Variants in KSR2 observed in about 807,000 individuals in gnomAD.
The protein encoded by KSR2 is kinase suppressor of ras 2.
In KSR2, 25 loss-of-function variants were observed where a neutral mutation model predicts 107.8. The observed-to-expected ratio is 0.23, with a 90% confidence interval of 0.17 to 0.32. The LOEUF (loss-of-function observed/expected upper bound fraction) is 0.32, where lower values mean the gene tolerates loss of function less well. KSR2 is among the 10% of genes least tolerant of loss of function. The pLI is 1.00. For synonymous variants in KSR2, 480 were observed against 507.0 expected (o/e 0.95, Z 0.71); for missense variants, 887 against 1,268.9 (o/e 0.70, Z 4.57).
At chr12:117,901,808 G>A (rs1894693134) in intron 1 of KSR2, among the ~76,000 whole-genome samples, 1 of 152,060 alleles carries the variant, frequency 6.6e-6, no homozygotes, top group African/African-American at 2.4e-5. Flanking sequence ...GGTTTACGAG[G>A]GTTCAGCGTG....
At chr12:117,690,419 G>T (rs542625987) in intron 4 of KSR2, among the ~76,000 whole-genome samples, 33 of 152,178 alleles carry the variant, frequency 2.2e-4, no homozygotes, top group African/African-American at 8.0e-4. Context: ...CAAAAAATTA[G>T]CCAGGCGTGG....
At chr12:117,916,793 A>C (rs2137446280) in intron 1 of KSR2, among the ~76,000 whole-genome samples, 1 of 152,366 alleles carries the variant, frequency 6.6e-6, no homozygotes, top group South Asian at 2.1e-4. Flanking sequence ...GCCCCATTCA[A>C]GTTTCAACGC....
At chr12:117,505,174 T>C (rs1402864657) in intron 14 of KSR2, among the ~76,000 whole-genome samples, 1 of 152,192 alleles carries the variant, frequency 6.6e-6, no homozygotes. Context: ...TTAGGTTGGT[T>C]CCGTGTCTTG....
chr12:117,812,319 A>G (rs1891216165), intron 3 of KSR2, among the ~76,000 whole-genome samples: 1 of 152,244 alleles, frequency 6.6e-6, no homozygotes, highest in Non-Finnish European at 1.5e-5. Flanking sequence ...CAATGATTCT[A>G]CTTTGGATAT....
At chr12:117,575,478 C>T (rs11068548) in intron 7 of KSR2, among the ~76,000 whole-genome samples, 2,998 of 152,284 alleles carry the variant, frequency 0.02, 54 homozygotes, top group Middle Eastern at 0.071. Flanking sequence ...AGCCCTCATC[C>T]AACTCTTCTA....
chr12:117,454,849 G>A lies in KSR2; in HGVS notation c.*12350C>T, dbSNP rs1870518943. On this transcript the variant is annotated 3_prime_UTR_variant, in exon 20 of 20. Coordinates refer to ENST00000339824, the MANE Select transcript of KSR2 (RefSeq NM_173598.6). The stretch of plus-strand genomic sequence containing the variant: ...GACACAGGTCGCAAGAGTCGATAGA[G>A]GGAAAGTGAAGCAAAAGAGGAACAG... 2.7e-5 allele frequency: 4 copies of A among 148,444 alleles called. No homozygotes were observed. Among genetic ancestry groups the A allele is most frequent in the Admixed American group, 2.0e-4 (3 of 14,896 alleles). The allele number at this position is 148,444 out of a possible 1,614,324, so 9.2% of individuals were successfully genotyped here.
chr12:117,576,430 G>A (rs1256786741), intron 7 of KSR2, among the ~76,000 whole-genome samples: 1 of 152,180 alleles, frequency 6.6e-6, no homozygotes, highest in Non-Finnish European at 1.5e-5. Context: ...GGTTCACAGA[G>A]GACCAAGGCA....
chr12:117,575,240 G>C (rs991281303), intron 7 of KSR2, among the ~76,000 whole-genome samples: 1 of 152,202 alleles, frequency 6.6e-6, no homozygotes, highest in Non-Finnish European at 1.5e-5. Flanking sequence ...CTAGAGTTGT[G>C]CATGGTGTAT....
rs145899298 is a variant in KSR2, at chr12:117,591,019, G to A, written c.1172-8660C>T. Reference sequence around the variant, plus strand: ...TATAACCACTTTGTGTCACCCCACTGCCCACTTAATCCTAGCACCCTGTGA... The same window carrying A: ...TATAACCACTTTGTGTCACCCCACTACCCACTTAATCCTAGCACCCTGTGA... On this transcript the variant is annotated intron_variant, in intron 5 of 19. Transcript: ENST00000339824. 3.0e-3 allele frequency among the ~76,000 whole-genome samples: 457 copies of A among 152,226 alleles called. 2 individuals are homozygous for A. The highest frequency in any genetic ancestry group is 0.01 in the African/African-American group (419 of 41,530).
intron 3 of KSR2, among the ~76,000 whole-genome samples, chr12:117,763,724 A>G (rs1889129380): frequency 6.6e-6 from 1 of 152,188 alleles, no homozygotes; most frequent in African/African-American, 2.4e-5. Context: ...GTTTTGAGGC[A>G]GGGGAGGCAT....
intron 1 of KSR2, among the ~76,000 whole-genome samples, chr12:117,950,466 G>A (rs1459942302): frequency 2.6e-5 from 4 of 152,042 alleles, no homozygotes; most frequent in South Asian, 2.1e-4. Context: ...CAAGCACAGT[G>A]GCTCACGCCT....
At chr12:117,917,766 G>A (rs1274689421) in intron 1 of KSR2, among the ~76,000 whole-genome samples, 1 of 152,066 alleles carries the variant, frequency 6.6e-6, no homozygotes, top group Non-Finnish European at 1.5e-5. Context: ...AAGCCTTACT[G>A]TACATGGCCG....
intron 6 of KSR2, among the ~76,000 whole-genome samples, chr12:117,580,716 T>A (rs1274094391): frequency 6.6e-6 from 1 of 152,204 alleles, no homozygotes; most frequent in Non-Finnish European, 1.5e-5. Context: ...ATTAATAGGT[T>A]GTTTCCCTCC....
intron 5 of KSR2, among the ~76,000 whole-genome samples, chr12:117,645,864 TGTGC>T (rs1162840891): frequency 2.9e-5 from 3 of 102,862 alleles, no homozygotes; most frequent in Admixed American, 1.2e-4. Flanking sequence ...TGCATGTGTA[TGTGC>T]GTGTGTGTGT....
intron 8 of KSR2, among the ~76,000 whole-genome samples, chr12:117,555,642 A>G (rs999744448): frequency 6.6e-6 from 1 of 152,250 alleles, no homozygotes; most frequent in Non-Finnish European, 1.5e-5. Flanking sequence ...CAAGCTCATC[A>G]TGGTGCCCTG....
chr12:117,604,138 C>T (rs943103404), intron 5 of KSR2, among the ~76,000 whole-genome samples: 1 of 152,206 alleles, frequency 6.6e-6, no homozygotes, highest in Admixed American at 6.5e-5. Context: ...TGCGGCTCAG[C>T]TGCACATGTG....
intron 4 of KSR2, among the ~76,000 whole-genome samples, chr12:117,735,299 T>C (rs184273251): frequency 9.1e-4 from 139 of 152,306 alleles, no homozygotes; most frequent in Non-Finnish European, 1.8e-3. Context: ...CACCACCCTC[T>C]AGAGTGAATA....
chr12:117,709,484 T>C (rs1406711266), intron 4 of KSR2, among the ~76,000 whole-genome samples: 1 of 152,082 alleles, frequency 6.6e-6, no homozygotes, highest in Non-Finnish European at 1.5e-5. Context: ...CCACCATGCC[T>C]GGCTTATTTT....
At chr12:117,660,079 G>A (rs1427569465) in intron 5 of KSR2, among the ~76,000 whole-genome samples, 2 of 152,130 alleles carry the variant, frequency 1.3e-5, no homozygotes, top group Non-Finnish European at 2.9e-5. Flanking sequence ...GTATCTCAGA[G>A]GAAAAGTCCT....
Sources: allele counts gnomAD v4.1 joint callset (sites outside exome capture counted in the v4.1 genomes callset), GRCh38; gene constraint gnomAD v4.1.1; transcripts MANE v1.5; gene names NCBI Gene and HGNC (gene_info 2026-07-23, HGNC 2026-07-21).